RBFOX1: variants seen among roughly 807,000 people sequenced by gnomAD.
RBFOX1 encodes the protein RNA binding fox-1 homolog 1.
A neutral mutation model predicts 57.7 loss-of-function variants in RBFOX1; 8 were observed. The observed-to-expected ratio is 0.14, with a 90% CI of 0.08 to 0.25. The LOEUF is 0.25. RBFOX1 is among the 10% of genes least tolerant of loss of function. RBFOX1 has a pLI of 1.00. For missense variants in RBFOX1, 611 were observed against 548.5 expected (o/e 1.11, Z -1.14); for synonymous variants, 326 against 222.4 (o/e 1.47, Z -4.15).
At chr16:6,996,518 G>A (rs2092261966) in intron 3 of RBFOX1, among the ~76,000 whole-genome samples, 1 of 151,948 alleles carries the variant, frequency 6.6e-6, no homozygotes, top group Admixed American at 6.6e-5. Context: ...AAATAAGTAG[G>A]GCTTGCATAC....
intron 3 of RBFOX1, among the ~76,000 whole-genome samples, chr16:5,810,790 G>A (rs781563597): frequency 6.6e-6 from 1 of 152,154 alleles, no homozygotes; most frequent in Admixed American, 6.5e-5. Context: ...TCTGAGTTAC[G>A]TGTATGTGTG....
intron 4 of RBFOX1, among the ~76,000 whole-genome samples, chr16:5,955,341 TAAAATAAAATAAATA>T (rs2059610744): frequency 8.3e-4 from 35 of 42,276 alleles, no homozygotes; most frequent in African/African-American, 1.3e-3. Context: ...TAAAATAAAA[TAAAATAAAATAAATA>T]AAAATAAAAT....
chr16:5,324,007 C>T (rs2064488898), intron 1 of RBFOX1, among the ~76,000 whole-genome samples: 1 of 152,226 alleles, frequency 6.6e-6, no homozygotes, highest in Non-Finnish European at 1.5e-5. Context: ...AGTGCTTTCC[C>T]CTACACTGTC....
intron 4 of RBFOX1, among the ~76,000 whole-genome samples, chr16:5,956,158 C>T (rs1597952247): frequency 1.3e-5 from 2 of 152,180 alleles, no homozygotes; most frequent in Middle Eastern, 3.4e-3. Context: ...CACCTGTACC[C>T]TCAGCTGCTC....
chr16:5,467,191 TCTCTC>T lies in RBFOX1; in HGVS notation c.220-24_220-20del, dbSNP rs2068978952. 7 of 1,463,918 alleles carry T rather than the reference TCTCTC, an allele frequency of 4.8e-6. No homozygotes were observed. The African/African-American group carries it at 7.3e-5, about 15-fold the overall frequency. The allele number at this position is 1,463,918 out of a possible 1,614,324, so 90.7% of individuals were successfully genotyped here. ...AATGTTTCTTCTCTCTCTCTCTCTC[TCTCTC>T]TTTTTTTTTTTTAATGCAGGATCTA... On this transcript the variant is annotated intron_variant, in intron 1 of 2. Transcript: ENST00000585867.
At chr16:7,052,182 G>A (rs995611575) in intron 4 of RBFOX1, 84 bp downstream of exon 4, 2 of 1,527,718 alleles carry the variant, frequency 1.3e-6, no homozygotes, top group African/African-American at 2.8e-5. Flanking sequence ...CCAAGACACG[G>A]GTTCTAAATA....
At chr16:7,680,125 T>C (rs146315514) in intron 14 of RBFOX1, among the ~76,000 whole-genome samples, 25 of 152,252 alleles carry the variant, frequency 1.6e-4, no homozygotes, top group Non-Finnish European at 3.1e-4. Context: ...CTGTGATACG[T>C]TCTGGATTGG....
chr16:7,105,589 C>T (rs2063436718), intron 4 of RBFOX1, among the ~76,000 whole-genome samples: 2 of 152,048 alleles, frequency 1.3e-5, no homozygotes, highest in African/African-American at 4.8e-5. Context: ...TTTGGTTTTG[C>T]ATTCCTGAGT....
chr16:7,620,209 A>G (rs1310517335), intron 10 of RBFOX1, among the ~76,000 whole-genome samples: 4 of 152,152 alleles, frequency 2.6e-5, no homozygotes, highest in Non-Finnish European at 4.4e-5. Flanking sequence ...TCACTTACTG[A>G]TTACTATTTG....
chr16:5,815,794 G>C (rs1459728446), intron 3 of RBFOX1, among the ~76,000 whole-genome samples: 1 of 152,222 alleles, frequency 6.6e-6, no homozygotes, highest in Non-Finnish European at 1.5e-5. Context: ...TCAGGAAACA[G>C]TGGAGCCCAG....
chr16:7,565,101 G>T (rs1053206157), intron 5 of RBFOX1, among the ~76,000 whole-genome samples: 4 of 152,154 alleles, frequency 2.6e-5, no homozygotes, highest in African/African-American at 9.7e-5. Context: ...TTTGAAGTAG[G>T]ATTGTGAGAA....
At chr16:5,840,808 C>G (rs1338348636) in intron 3 of RBFOX1, among the ~76,000 whole-genome samples, 4 of 152,234 alleles carry the variant, frequency 2.6e-5, no homozygotes, top group Admixed American at 6.5e-5. Context: ...AACACACAGA[C>G]AAAACCTAGG....
chr16:7,308,357 A>C (rs2096241519), intron 4 of RBFOX1, among the ~76,000 whole-genome samples: 1 of 150,492 alleles, frequency 6.6e-6, no homozygotes, highest in South Asian at 2.1e-4. Context: ...ATATTAACTT[A>C]ATTTTCTCTG....
At chr16:6,881,823 C>G (rs931996898) in intron 3 of RBFOX1, among the ~76,000 whole-genome samples, 1 of 151,192 alleles carries the variant, frequency 6.6e-6, no homozygotes, top group Non-Finnish European at 1.5e-5. Flanking sequence ...CTTTTATTCT[C>G]CCTATTTTAC....
chr16:7,438,367 C>T (rs2098739233), intron 4 of RBFOX1, among the ~76,000 whole-genome samples: 1 of 152,082 alleles, frequency 6.6e-6, no homozygotes, highest in Non-Finnish European at 1.5e-5. Context: ...CCTCTGGGGC[C>T]ACGGTGAGCA....
intron 3 of RBFOX1, among the ~76,000 whole-genome samples, chr16:5,862,825 T>G (rs2057256123): frequency 6.6e-6 from 1 of 152,144 alleles, no homozygotes; most frequent in African/African-American, 2.4e-5. Flanking sequence ...CCCACGCTGT[T>G]CAGCATGGAA....
At chr16:7,261,470 T>C (rs945233885) in intron 4 of RBFOX1, among the ~76,000 whole-genome samples, 2 of 152,150 alleles carry the variant, frequency 1.3e-5, no homozygotes, top group Non-Finnish European at 2.9e-5. Flanking sequence ...TAAGTGAGTG[T>C]ATGAGTCCCT....
chr16:6,565,713 C>T (rs2097255675), intron 2 of RBFOX1, among the ~76,000 whole-genome samples: 2 of 152,178 alleles, frequency 1.3e-5, no homozygotes, highest in Admixed American at 6.5e-5. Flanking sequence ...CGTGATCCGC[C>T]CGCTTTGGCT....
At chr16:6,138,206 C>G (rs1344817723) in intron 1 of RBFOX1, among the ~76,000 whole-genome samples, 1 of 152,204 alleles carries the variant, frequency 6.6e-6, no homozygotes, top group East Asian at 1.9e-4. Flanking sequence ...GGTCTGGGCC[C>G]CTGCCCAGCC....
Sources: allele counts gnomAD v4.1 joint callset (sites outside exome capture counted in the v4.1 genomes callset), GRCh38; gene constraint gnomAD v4.1.1; transcripts MANE v1.5; gene names NCBI Gene and HGNC (gene_info 2026-07-23, HGNC 2026-07-21).